Variants in MSI2 observed in about 807,000 individuals in gnomAD.
The protein encoded by MSI2 is musashi RNA binding protein 2, also known as RNA-binding protein Musashi homolog 2.
Under a neutral mutation model 45.6 loss-of-function variants are expected in MSI2, and 17 were observed. The ratio of observed to expected loss-of-function variants is 0.37; its 90% CI spans 0.26 to 0.56. The LOEUF (loss-of-function observed/expected upper bound fraction) is 0.56, where lower values mean the gene tolerates loss of function less well. Ranked by LOEUF, MSI2 falls within the 20% of genes least tolerant of loss-of-function variation. The pLI is 0.77. For missense variants in MSI2, 293 were observed against 444.2 expected, an observed-to-expected ratio of 0.66 and a Z score of 3.06; for synonymous variants, 156 against 158.2, an observed-to-expected ratio of 0.99 and a Z score of 0.11.
intron 5 of MSI2, among the ~76,000 whole-genome samples, chr17:57,312,758 C>T: frequency 6.6e-6 from 1 of 152,072 alleles, no homozygotes; most frequent in East Asian, 1.9e-4. Context: ...ATTAATGGGC[C>T]TGTTTTGGAT....
rs75504807 is a variant in MSI2, at chr17:57,683,046, G to A, written c.*3529G>A. ...CCAAACAGCCTCGCGCTCTATCCCAGTCGCCCATTAGCTTGATTCAAACAA... is the reference window on the plus strand; with the variant it reads ...CCAAACAGCCTCGCGCTCTATCCCAATCGCCCATTAGCTTGATTCAAACAA... On this transcript the variant is annotated 3_prime_UTR_variant, in exon 14 of 14. Transcript: ENST00000284073. This position sits in a 1 kb window ranked among gnomAD's most constrained non-coding sequence, Gnocchi z 5.2. 5.7e-3 allele frequency: 1,305 copies of A among 229,858 alleles called. 23 individuals carry two copies. The highest frequency in any genetic ancestry group is 0.026 in the African/African-American group (1,167 of 45,222). The allele number at this position is 229,858 out of a possible 1,614,324, so 14.2% of individuals were successfully genotyped here. A position where few individuals can be genotyped will look rare whatever the true frequency, so the allele number is the denominator to read the frequency against.
chr17:57,258,227 C>T (rs376592595), intron 3 of MSI2, 43 bp from the exon 4 acceptor site: 3 of 1,578,644 alleles, frequency 1.9e-6, no homozygotes, highest in Non-Finnish European at 2.6e-6. Flanking sequence ...TCAATGGTGT[C>T]ACATTTTCTT....
chr17:57,677,425 C>A (rs774202069), intron 13 of MSI2, among the ~76,000 whole-genome samples: 2 of 152,114 alleles, frequency 1.3e-5, no homozygotes, highest in African/African-American at 4.8e-5. Flanking sequence ...GGGATAGAGG[C>A]AGGGAAGCAT....
chr17:57,407,442 T>A lies in MSI2; in HGVS notation c.405+5971T>A, dbSNP rs377326290. ...AAGATAAATAAGCCTGAGAGTGGAC[T>A]GTGATCCTCAGGTAGTGTTTTCTTG... is the stretch of plus-strand genomic sequence containing the variant. On this transcript the variant is annotated intron_variant, in intron 6 of 13. Coordinates refer to ENST00000284073, the MANE Select transcript of MSI2 (RefSeq NM_138962.4). This position sits in a 1 kb window ranked among gnomAD's most constrained non-coding sequence, Gnocchi z 4.1. Among the ~76,000 whole-genome samples the A allele has an allele frequency of 3.3e-5, 5 of 152,346 alleles. No individual in the cohort carries two copies. The East Asian group carries it at 9.6e-4, about 29-fold the overall frequency.
At chr17:57,448,345 C>A (rs1028854754) in intron 6 of MSI2, 4 of 152,208 alleles carry the variant, frequency 2.6e-5, no homozygotes, top group African/African-American at 9.7e-5. Context: ...TTGTAACAAT[C>A]ATGCACATGT....
intron 6 of MSI2, among the ~76,000 whole-genome samples, chr17:57,426,091 A>G (rs1283200421): frequency 6.6e-6 from 1 of 152,216 alleles, no homozygotes; most frequent in African/African-American, 2.4e-5. Context: ...AGTGAGATAC[A>G]TGCAGGAGAG....
At chr17:57,571,737 A>T (rs1003721722) in intron 7 of MSI2, among the ~76,000 whole-genome samples, 1 of 152,182 alleles carries the variant, frequency 6.6e-6, no homozygotes, top group Non-Finnish European at 1.5e-5. Flanking sequence ...AATGATAATA[A>T]TGTCACTTTG....
At chr17:57,638,808 G>A (rs572483023) in intron 10 of MSI2, among the ~76,000 whole-genome samples, 332 of 152,204 alleles carry the variant, frequency 2.2e-3, no homozygotes, top group Middle Eastern at 0.01. Context: ...AGGCTGAGGC[G>A]GAAGGATCAC....
intron 6 of MSI2, among the ~76,000 whole-genome samples, chr17:57,494,378 T>C (rs2085934358): frequency 6.6e-6 from 1 of 152,118 alleles, no homozygotes. Context: ...AAGAGCCTAG[T>C]GTTTTGATTC....
chr17:57,460,983 G>A (rs1418637849), intron 6 of MSI2, among the ~76,000 whole-genome samples: 1 of 152,180 alleles, frequency 6.6e-6, no homozygotes, highest in African/African-American at 2.4e-5. Flanking sequence ...TCCTTGCAGA[G>A]GCTGCAGCCC....
intron 5 of MSI2, among the ~76,000 whole-genome samples, chr17:57,308,387 T>C (rs1912098863): frequency 6.6e-6 from 1 of 152,208 alleles, no homozygotes; most frequent in Non-Finnish European, 1.5e-5. Context: ...ATGTGTATGT[T>C]TTTGCTAAGT....
At chr17:57,447,118 C>T (rs2084914431) in intron 6 of MSI2, among the ~76,000 whole-genome samples, 1 of 152,152 alleles carries the variant, frequency 6.6e-6, no homozygotes, top group Non-Finnish European at 1.5e-5. Flanking sequence ...GATAGGGTCT[C>T]TCTGTATCAC....
chr17:57,497,989 A>G (rs2086016093), intron 6 of MSI2, among the ~76,000 whole-genome samples: 1 of 152,228 alleles, frequency 6.6e-6, no homozygotes, highest in Non-Finnish European at 1.5e-5. Flanking sequence ...ATTAGAGCCA[A>G]AAAGGGAACA....
chr17:57,506,269 C>A (rs2086227006), intron 6 of MSI2, among the ~76,000 whole-genome samples: 1 of 152,198 alleles, frequency 6.6e-6, no homozygotes, highest in South Asian at 2.1e-4. Context: ...TTTACATTTC[C>A]AAGGTTCTCC....
intron 11 of MSI2, among the ~76,000 whole-genome samples, chr17:57,654,835 A>G (rs962416506): frequency 3.3e-5 from 5 of 151,780 alleles, no homozygotes; most frequent in Non-Finnish European, 5.9e-5. Context: ...AGGGGCTCTC[A>G]GGCTTCATTT....
At chr17:57,566,036 A>G (rs2087723158) in intron 7 of MSI2, 1 of 151,718 alleles carries the variant, frequency 6.6e-6, no homozygotes, top group Non-Finnish European at 1.5e-5. Context: ...CTTAAAGACA[A>G]GAGAAATCGG....
chr17:57,612,202 G>A (rs1239694980), intron 8 of MSI2, among the ~76,000 whole-genome samples: 1 of 95,242 alleles, frequency 1.0e-5, no homozygotes, highest in Non-Finnish European at 2.5e-5. Flanking sequence ...TGATGTGTGA[G>A]TACTTGCATT....
At chr17:57,308,013 G>T (rs1912061439) in intron 5 of MSI2, among the ~76,000 whole-genome samples, 1 of 152,188 alleles carries the variant, frequency 6.6e-6, no homozygotes, top group Admixed American at 6.5e-5. Context: ...AATGCATGAA[G>T]AATGAATGAA....
the MSI2 span, among the ~76,000 whole-genome samples, chr17:57,700,546 TG>T: frequency 6.6e-6 from 1 of 152,160 alleles, no homozygotes; most frequent in South Asian, 2.1e-4. Context: ...TGTGGAAGCC[TG>T]GTGTGATAGG....
Sources: allele counts gnomAD v4.1 joint callset (sites outside exome capture counted in the v4.1 genomes callset), GRCh38; gene constraint gnomAD v4.1.1; non-coding constraint Gnocchi (gnomAD v3.1); transcripts MANE v1.5; gene names NCBI Gene and HGNC (gene_info 2026-07-23, HGNC 2026-07-21).